The following PFKM variants were observed in gnomAD, a reference collection of about 807,000 sequenced individuals.
PFKM encodes ATP-dependent 6-phosphofructokinase, muscle type.
In PFKM, 58 loss-of-function variants were observed where a neutral mutation model predicts 95.5. That is an observed-to-expected ratio of 0.61 (90% CI 0.49 to 0.76). The LOEUF (loss-of-function observed/expected upper bound fraction) is 0.76, where lower values mean the gene tolerates loss of function less well. PFKM is among the 30% of genes least tolerant of loss of function. The pLI, the probability that PFKM is intolerant of heterozygous loss-of-function variation, is 0.00. For missense variants in PFKM, 678 were observed against 1,005.4 expected, an observed-to-expected ratio of 0.67 and a Z score of 4.40; for synonymous variants, 336 against 357.2, an observed-to-expected ratio of 0.94 and a Z score of 0.67.
At chr12:48,105,469 G>A (rs753987626), upstream of PFKM, 9 of 518,978 alleles carry the variant, frequency 1.7e-5, no homozygotes, top group African/African-American at 7.7e-5. Context: ...GAGCAGGAGG[G>A]TCCAGACGTT....
intron 2 of PFKM, among the ~76,000 whole-genome samples, chr12:48,123,533 T>A (rs951353995): frequency 1.8e-4 from 28 of 152,136 alleles, no homozygotes; most frequent in African/African-American, 6.5e-4. Context: ...ATTGATTTTT[T>A]TAAAAAAAAC....
chr12:48,123,864 A>C (rs75900377), intron 2 of PFKM, among the ~76,000 whole-genome samples: 1,837 of 152,376 alleles, frequency 0.012, 42 homozygotes, highest in African/African-American at 0.041. Context: ...ATCTACTTAC[A>C]TAATGAAATG....
intron 1 of PFKM, among the ~76,000 whole-genome samples, chr12:48,121,404 A>G (rs1239224748): frequency 6.6e-6 from 1 of 152,264 alleles, no homozygotes; most frequent in Admixed American, 6.5e-5. Flanking sequence ...CTTATTTGTT[A>G]GTACTGATTA....
chr12:48,105,442 G>C (rs1012768097), upstream of PFKM: 3 of 518,946 alleles, frequency 5.8e-6, no homozygotes, highest in Admixed American at 1.9e-5. Context: ...TGGCAGTTAA[G>C]GGGATTTTCA....
Position 48,145,426 on chromosome 12 carries a change from T to C in PFKM, c.2198+111T>C. The C allele has an allele frequency of 1.6e-6, 2 of 1,253,410 alleles. No homozygotes were observed. Among genetic ancestry groups the C allele is most frequent in the South Asian group, 1.2e-5 (1 of 80,722 alleles). 77.6% of individuals were successfully genotyped at this position (1,253,410 alleles called of 1,614,324 possible). A position where few individuals can be genotyped will look rare whatever the true frequency, so the allele number is the denominator to read the frequency against. On this transcript the variant is annotated intron_variant, in intron 22 of 22. Transcript: ENST00000359794. This position sits in a 1 kb window ranked among gnomAD's most constrained non-coding sequence, Gnocchi z 4.3. ...TTTTTTTTTTTTAAGGAGTAACACCTGTATTCTTACCCATTTCAGATGTGA... is the reference window on the plus strand; with the variant it reads ...TTTTTTTTTTTTAAGGAGTAACACCCGTATTCTTACCCATTTCAGATGTGA...
upstream of PFKM, chr12:48,119,198 G>A (rs1207528862): frequency 3.7e-6 from 3 of 801,176 alleles, no homozygotes; most frequent in East Asian, 2.5e-4. Context: ...TGAGTACTTA[G>A]GGGGAGGAGG....
At position 48,141,908 on chromosome 12, in the gene PFKM, T is replaced by C; in HGVS notation, c.1501-6T>C. On this transcript the variant is annotated splice_polypyrimidine_tract_variant and splice_region_variant and intron_variant, in intron 16 of 22. Transcript: ENST00000359794. ...CAATCCTGCCCTTGTGCTCTCTTCT[T>C]CTTAGGCTTACACAGGGGGCCTGGA... 1 of 1,614,044 alleles carries C rather than the reference T, an allele frequency of 6.2e-7. No homozygotes were observed. Among genetic ancestry groups the C allele is most frequent in the Non-Finnish European group, 8.5e-7 (1 of 1,179,974 alleles).
chr12:48,119,051 T>C (rs985390975), upstream of PFKM, among the ~76,000 whole-genome samples: 2 of 152,154 alleles, frequency 1.3e-5, no homozygotes, highest in African/African-American at 2.4e-5. Context: ...TAGGAAAAAG[T>C]TCTGTGTTGA....
At chr12:48,140,906 TG>T (rs1565905736) in intron 14 of PFKM, 35 bp downstream of exon 14, 1 of 1,611,774 alleles carries the variant, frequency 6.2e-7, no homozygotes, top group African/African-American at 1.3e-5. Context: ...GGAGCAGTCA[TG>T]GGGAAGATAA....
chr12:48,120,532 A>G (rs1310193469), intron 1 of PFKM, among the ~76,000 whole-genome samples: 1 of 152,204 alleles, frequency 6.6e-6, no homozygotes, highest in Non-Finnish European at 1.5e-5. Flanking sequence ...GTGGTTGGCA[A>G]ACTTCGTCTG....
upstream of PFKM, among the ~76,000 whole-genome samples, chr12:48,115,987 A>G (rs12228924): frequency 0.19 from 28,402 of 152,044 alleles, 3,255 homozygotes; most frequent in African/African-American, 0.32. Context: ...TGATGACTCT[A>G]TGTTTAACAT....
chr12:48,124,715 G>A (rs371239340), intron 2 of PFKM, among the ~76,000 whole-genome samples: 2 of 152,186 alleles, frequency 1.3e-5, no homozygotes, highest in East Asian at 1.9e-4. Context: ...AGTGTAGCCA[G>A]GGAAATAGCC....
intron 11 of PFKM, among the ~76,000 whole-genome samples, chr12:48,138,850 T>G (rs955812303): frequency 3.9e-5 from 6 of 151,960 alleles, no homozygotes; most frequent in African/African-American, 1.5e-4. Context: ...GTCAGGAGAT[T>G]GAGACCATCC....
upstream of PFKM, among the ~76,000 whole-genome samples, chr12:48,117,852 A>G (rs1385161516): frequency 6.6e-6 from 1 of 152,222 alleles, no homozygotes; most frequent in Admixed American, 6.5e-5. Flanking sequence ...GTATCAATGA[A>G]TATATGTAAG....
At position 48,130,440 on chromosome 12, in the gene PFKM, G is replaced by T. The variant is rs1409476535; in HGVS notation, c.159+4G>T. On this transcript the variant is annotated splice_donor_region_variant and intron_variant, in intron 3 of 22. Transcript: ENST00000359794. ...CCGTGTCTTCTTTGTCCATGAGGTTGGTTCTGTACTTTGTTCTTCATCATT... is the reference window on the plus strand; with the variant it reads ...CCGTGTCTTCTTTGTCCATGAGGTTTGTTCTGTACTTTGTTCTTCATCATT... The T allele has an allele frequency of 3.1e-6, 5 of 1,605,770 alleles. No individual in the cohort carries two copies. The highest frequency in any genetic ancestry group is 3.4e-6 in the Non-Finnish European group (4 of 1,172,446).
chr12:48,128,326 A>G (rs1462359720), intron 2 of PFKM, among the ~76,000 whole-genome samples: 1 of 151,678 alleles, frequency 6.6e-6, no homozygotes, highest in African/African-American at 2.4e-5. Context: ...GACTACACTT[A>G]ACTCCTGGGC....
intron 3 of PFKM, chr12:48,108,330 G>C (rs1477170527): frequency 5.9e-6 from 4 of 672,404 alleles, no homozygotes; most frequent in Non-Finnish European, 9.4e-6. Flanking sequence ...CTGTGTGTGT[G>C]TGAAACAGAG....
Position 48,139,040 on chromosome 12 carries a change from C to CA in PFKM, c.1063-235dup, listed in dbSNP as rs375905015. On this transcript the variant is annotated intron_variant, in intron 11 of 22. Transcript: ENST00000359794. ...TGGGCGACAGAGCGAGACTCCGTCT[C>CA]AAAAAAAAAATAAAATAAACAGAGC... Among the ~76,000 whole-genome samples, 155 of 148,072 alleles carry CA rather than the reference C, an allele frequency of 1.0e-3. 1 individual carries two copies. The highest frequency in any genetic ancestry group is 3.0e-3 in the African/African-American group (120 of 40,386).
rs757220452 is a variant in PFKM at position 48,139,309 on chromosome 12, G to A, written c.1087G>A (p.Asp363Asn). 25 of 1,613,788 alleles carry A rather than the reference G, an allele frequency of 1.5e-5. No individual in the cohort carries two copies. ...QVTKDVTKAM[D>N]EKKFDEALKL... ...GACCAAAGATGTGACCAAGGCCATG[G>A]ATGAGAAGAAATTTGACGAAGCCCT... The change falls in exon 12 of 23, where the codon GAT (aspartate) becomes AAT (asparagine). Residue 363 changes from aspartate (D) to asparagine (N), a missense_variant. Transcript: ENST00000359794.
Sources: gnomAD v4.1 joint callset for allele counts (sites outside exome capture counted in the v4.1 genomes callset) on GRCh38, gnomAD v4.1.1 for gene constraint, Gnocchi (gnomAD v3.1) non-coding constraint, MANE v1.5 for transcripts, NCBI Gene and HGNC (gene_info 2026-07-23, HGNC 2026-07-21) for gene names.